Variants in HDAC9 observed in about 807,000 individuals in gnomAD.
HDAC9 encodes MEF-2 interacting transcription repressor (MITR) protein.
A neutral mutation model predicts 139.4 loss-of-function variants in HDAC9; 41 were observed. That is an observed-to-expected ratio of 0.29 (90% CI 0.23 to 0.38). The LOEUF is 0.38. HDAC9 is among the 10% of genes least tolerant of loss of function. The pLI is 1.00. For missense variants in HDAC9, 1,147 were observed against 1,297.0 expected (o/e 0.88, Z 1.78); for synonymous variants, 517 against 476.2 (o/e 1.09, Z -1.12).
In HDAC9 at chr7:18,593,945, C is replaced by T; in HGVS notation, c.580C>T (p.Pro194Ser). 6.2e-7 allele frequency: 1 copy of T among 1,612,852 alleles called. No individual in the cohort carries two copies. The highest frequency in any genetic ancestry group is 8.5e-7 in the Non-Finnish European group (1 of 1,179,042). The change falls in exon 6 of 26, where the codon CCC (proline) becomes TCC (serine). Residue 194 changes from proline to serine, a missense_variant. Physicochemically the swap from Pro to Ser is moderately conservative, Grantham distance 74. Coordinates refer to ENST00000686413, the MANE Select transcript of HDAC9 (RefSeq NM_178425.4). ...HHTSLDQSSP[P>S]LSGTSPSYKY... is the part of the protein sequence containing the mutation. ...CACATCATTGGATCAAAGCTCTCCA[C>T]CCCTTAGTGGAACATCTCCATCCTA...
At chr7:18,720,623 T>G (rs1309984164) in intron 12 of HDAC9, among the ~76,000 whole-genome samples, 1 of 149,262 alleles carries the variant, frequency 6.7e-6, no homozygotes, top group Non-Finnish European at 1.5e-5. Context: ...ATACTTTACC[T>G]TAGTAAAAAA....
At position 19,000,712 on chromosome 7, in the gene HDAC9, CAAACTG is replaced by C. The variant is rs1426680180; in HGVS notation, c.*4655_*4660del. 6.6e-6 allele frequency: 1 copy of C among 152,180 alleles called. No individual in the cohort carries two copies. The highest frequency in any genetic ancestry group is 1.5e-5 in the Non-Finnish European group (1 of 68,018). 9.4% of individuals were successfully genotyped at this position (152,180 alleles called of 1,614,324 possible). A position where few individuals can be genotyped will look rare whatever the true frequency, so the allele number is the denominator to read the frequency against. On this transcript the variant is annotated 3_prime_UTR_variant, in exon 26 of 26. Coordinates refer to ENST00000686413, the MANE Select transcript of HDAC9 (RefSeq NM_178425.4). ...CAATTTCTCAAAGCATCTTAATTCT[CAAACTG>C]AAACATTTAGCAAATACATGGTGAA...
At position 18,877,026 on chromosome 7, in the gene HDAC9, C is replaced by G. The variant is rs571562568; in HGVS notation, c.2803+2430C>G. Among the ~76,000 whole-genome samples the G allele has an allele frequency of 3.3e-5, 5 of 152,070 alleles. 1 individual carries two copies. The South Asian group carries it at 8.3e-4, about 25-fold the overall frequency. On this transcript the variant is annotated intron_variant, in intron 22 of 25. Coordinates refer to ENST00000686413, the MANE Select transcript of HDAC9 (RefSeq NM_178425.4). ...TGAGAATAGAGAATTTCGATGCACA[C>G]TACAGAGAACATATTAGTGCCCATG...
intron 1 of HDAC9, among the ~76,000 whole-genome samples, chr7:18,154,594 CT>C (rs1480918657): frequency 1.3e-5 from 2 of 152,204 alleles, no homozygotes; most frequent in Non-Finnish European, 2.9e-5. Flanking sequence ...GTTTAAGCAA[CT>C]GAGGCTCAGA....
chr7:18,666,431 G>A lies in HDAC9; in HGVS notation c.1686G>A (p.Gln562=). 3 of 1,612,202 alleles carry A rather than the reference G, an allele frequency of 1.9e-6. No individual in the cohort carries two copies. Among genetic ancestry groups the A allele is most frequent in the Non-Finnish European group, 2.5e-6 (3 of 1,179,014 alleles). ...EEPVDSDEDA[Q]IQEMESGEQA... ...CAGTGGACAGTGATGAAGATGCTCAGATCCAGGAAATGGAATCTGGGGAGC... is the reference window on the plus strand; with the variant it reads ...CAGTGGACAGTGATGAAGATGCTCAAATCCAGGAAATGGAATCTGGGGAGC... Residue 562 remains glutamine (Q), a synonymous_variant, in exon 12 of 26, where the codon CAG becomes CAA. Coordinates refer to ENST00000686413, the MANE Select transcript of HDAC9 (RefSeq NM_178425.4).
intron 2 of HDAC9, among the ~76,000 whole-genome samples, chr7:18,553,362 TG>T (rs1195190734): frequency 8.5e-5 from 13 of 152,152 alleles, no homozygotes; most frequent in African/African-American, 3.1e-4. Flanking sequence ...AAGAACACTG[TG>T]GTTGTCTTAA....
At chr7:18,979,861 C>T (rs1252717236) in intron 25 of HDAC9, among the ~76,000 whole-genome samples, 1 of 152,160 alleles carries the variant, frequency 6.6e-6, no homozygotes, top group Non-Finnish European at 1.5e-5. Flanking sequence ...TGGTGCAAGC[C>T]ATTCATGAGG....
At chr7:18,793,275 A>G in intron 16 of HDAC9, 70 bp from the exon 17 acceptor site, 1 of 1,053,824 alleles carries the variant, frequency 9.5e-7, no homozygotes, top group Non-Finnish European at 1.4e-6. Context: ...TTCCCCTTTT[A>G]CCCCTTTCAT....
intron 17 of HDAC9, among the ~76,000 whole-genome samples, chr7:18,804,573 C>T (rs1793555722): frequency 6.6e-6 from 1 of 152,150 alleles, no homozygotes; most frequent in Non-Finnish European, 1.5e-5. Flanking sequence ...ATATTGCTGT[C>T]TACCCTAAAA....
chr7:18,161,939 T>C (rs1787655433), intron 1 of HDAC9, among the ~76,000 whole-genome samples: 1 of 152,202 alleles, frequency 6.6e-6, no homozygotes, highest in Admixed American at 6.5e-5. Context: ...TAGTGAACAG[T>C]AAACAATAAG....
At position 18,999,217 on chromosome 7, in the gene HDAC9, C is replaced by A. The variant is rs1453192133; in HGVS notation, c.*3155C>A. ...CAGTTTTTACTCCAGCCCTATACGACACTCTCACTAACCTTTCACTGACAA... is the reference window on the plus strand; with the variant it reads ...CAGTTTTTACTCCAGCCCTATACGAAACTCTCACTAACCTTTCACTGACAA... On this transcript the variant is annotated 3_prime_UTR_variant, in exon 26 of 26. Transcript: ENST00000686413. 1 of 152,210 alleles carries A rather than the reference C, an allele frequency of 6.6e-6. No homozygotes were observed. The highest frequency in any genetic ancestry group is 6.5e-5 in the Admixed American group (1 of 15,292). The allele number at this position is 152,210 out of a possible 1,614,324, so 9.4% of individuals were successfully genotyped here.
intron 11 of HDAC9, among the ~76,000 whole-genome samples, chr7:18,649,911 C>G (rs1271905851): frequency 2.6e-5 from 4 of 152,130 alleles, no homozygotes; most frequent in African/African-American, 9.7e-5. Context: ...GCAGGGACAA[C>G]TCTCTCTCTA....
chr7:18,841,682 T>C (rs892754554), intron 21 of HDAC9, among the ~76,000 whole-genome samples: 1 of 152,138 alleles, frequency 6.6e-6, no homozygotes, highest in Non-Finnish European at 1.5e-5. Flanking sequence ...AACAATCATA[T>C]AGCGAAAAAT....
chr7:18,212,681 T>G (rs1355661860), intron 2 of HDAC9, among the ~76,000 whole-genome samples: 1 of 152,210 alleles, frequency 6.6e-6, no homozygotes, highest in Non-Finnish European at 1.5e-5. Flanking sequence ...AGGCATCTTT[T>G]CTGTGTTCCT....
chr7:18,267,023 T>A (rs1390486376), intron 2 of HDAC9, among the ~76,000 whole-genome samples: 1 of 152,140 alleles, frequency 6.6e-6, no homozygotes, highest in Non-Finnish European at 1.5e-5. Context: ...GCTGTTCAGC[T>A]GTGAAAATAA....
At chr7:18,902,744 A>G (rs1279780827) in intron 22 of HDAC9, among the ~76,000 whole-genome samples, 1 of 152,214 alleles carries the variant, frequency 6.6e-6, no homozygotes, top group Non-Finnish European at 1.5e-5. Context: ...ATTAGCACAT[A>G]AACAAATAAG....
intron 1 of HDAC9, among the ~76,000 whole-genome samples, chr7:18,097,924 G>A (rs763996892): frequency 5.9e-5 from 9 of 152,198 alleles, no homozygotes; most frequent in South Asian, 2.1e-4. Flanking sequence ...TGCTTTGCCA[G>A]CCCATATTTG....
chr7:18,090,410 C>CT (rs1288039084), intron 1 of HDAC9, among the ~76,000 whole-genome samples: 1 of 152,154 alleles, frequency 6.6e-6, no homozygotes, highest in Admixed American at 6.5e-5. Flanking sequence ...AACCATGACT[C>CT]TAATAGCTAC....
At chr7:18,181,759 T>C (rs2128141347) in intron 2 of HDAC9, among the ~76,000 whole-genome samples, 1 of 152,180 alleles carries the variant, frequency 6.6e-6, no homozygotes, top group Middle Eastern at 3.4e-3. Flanking sequence ...AGGGGTCCTT[T>C]AAAAAAATCT....
Sources: allele counts gnomAD v4.1 joint callset (sites outside exome capture counted in the v4.1 genomes callset), GRCh38; gene constraint gnomAD v4.1.1; transcripts MANE v1.5; gene names NCBI Gene and HGNC (gene_info 2026-07-23, HGNC 2026-07-21).